The following KCNJ6 variants were observed in gnomAD, a reference collection of about 807,000 sequenced individuals.
KCNJ6 encodes the protein G protein-activated inward rectifier potassium channel 2.
A neutral mutation model predicts 34.2 loss-of-function variants in KCNJ6; 9 were observed. The ratio of observed to expected loss-of-function variants is 0.26; its 90% CI spans 0.16 to 0.46. KCNJ6 has a LOEUF of 0.46. Among genes scored for constraint, KCNJ6 ranks in the 20% least tolerant of loss-of-function variants. KCNJ6 has a pLI of 1.00. For missense variants in KCNJ6, 236 were observed against 531.3 expected, an observed-to-expected ratio of 0.44 and a Z score of 5.46; for synonymous variants, 196 against 207.1, an observed-to-expected ratio of 0.95 and a Z score of 0.46.
chr21:37,724,205 T>C (rs1181217748), intron 2 of KCNJ6, among the ~76,000 whole-genome samples: 1 of 152,080 alleles, frequency 6.6e-6, no homozygotes, highest in Non-Finnish European at 1.5e-5. Context: ...AGAGCAGTGG[T>C]ATGGAGTATA....
chr21:37,744,278 A>G (rs957792477), intron 2 of KCNJ6, among the ~76,000 whole-genome samples: 92 of 152,184 alleles, frequency 6.0e-4, no homozygotes, highest in African/African-American at 2.1e-3. Flanking sequence ...AAACCTGCAC[A>G]TTGTGCACAT....
At chr21:37,762,956 G>A (rs1204269341) in intron 2 of KCNJ6, among the ~76,000 whole-genome samples, 1 of 152,150 alleles carries the variant, frequency 6.6e-6, no homozygotes, top group African/African-American at 2.4e-5. Flanking sequence ...GATTCAGCCG[G>A]GGAAATCTTT....
chr21:37,906,997 T>C (rs2055844856), intron 1 of KCNJ6, among the ~76,000 whole-genome samples: 1 of 152,176 alleles, frequency 6.6e-6, no homozygotes, highest in African/African-American at 2.4e-5. Flanking sequence ...CTAGATTTCT[T>C]GAGAGGAGGA....
intron 2 of KCNJ6, among the ~76,000 whole-genome samples, chr21:37,742,241 C>T (rs759523422): frequency 1.2e-4 from 18 of 152,186 alleles, no homozygotes; most frequent in Non-Finnish European, 2.5e-4. Context: ...TATTGTTTAG[C>T]TTTCTGGAGT....
At chr21:37,799,741 T>G (rs2055260405) in intron 2 of KCNJ6, among the ~76,000 whole-genome samples, 1 of 152,234 alleles carries the variant, frequency 6.6e-6, no homozygotes, top group Admixed American at 6.5e-5. Flanking sequence ...ATATGACATT[T>G]AGAAGCCTCA....
At chr21:37,896,349 C>T (rs2055788007) in intron 1 of KCNJ6, among the ~76,000 whole-genome samples, 1 of 152,150 alleles carries the variant, frequency 6.6e-6, no homozygotes, top group African/African-American at 2.4e-5. Flanking sequence ...ACTGTATCAC[C>T]CATGCTAACT....
intron 2 of KCNJ6, among the ~76,000 whole-genome samples, chr21:37,736,453 T>C (rs1161696458): frequency 6.6e-6 from 1 of 152,204 alleles, no homozygotes; most frequent in African/African-American, 2.4e-5. Flanking sequence ...ACATCATCAA[T>C]GTACTAAATG....
intron 2 of KCNJ6, among the ~76,000 whole-genome samples, chr21:37,816,245 G>A (rs751270824): frequency 6.6e-6 from 1 of 152,206 alleles, no homozygotes; most frequent in African/African-American, 2.4e-5. Context: ...CAGGGACCAA[G>A]CATAGGTAAG....
Position 37,621,915 on chromosome 21 carries a change from AT to A in KCNJ6, c.*3243del, listed in dbSNP as rs1207997234. 6.6e-6 allele frequency: 1 copy of A among 152,204 alleles called. No individual in the cohort carries two copies. The highest frequency in any genetic ancestry group is 1.9e-4 in the East Asian group (1 of 5,194). 9.4% of individuals were successfully genotyped at this position (152,204 alleles called of 1,614,324 possible). On this transcript the variant is annotated 3_prime_UTR_variant, in exon 4 of 4. Coordinates refer to ENST00000609713, the MANE Select transcript of KCNJ6 (RefSeq NM_002240.5). ...CCAGGGGACAGCTAAAACAGAAATG[AT>A]TTTATTGGTTCCATAAAGTTGATTT... is the stretch of plus-strand genomic sequence containing the variant.
intron 1 of KCNJ6, among the ~76,000 whole-genome samples, chr21:37,881,823 TG>T (rs1260768319): frequency 6.6e-6 from 1 of 152,112 alleles, no homozygotes; most frequent in Non-Finnish European, 1.5e-5. Context: ...ATAAACCTTG[TG>T]GGGACATGAA....
At chr21:37,786,083 G>A (rs977920792) in intron 2 of KCNJ6, among the ~76,000 whole-genome samples, 4 of 152,220 alleles carry the variant, frequency 2.6e-5, no homozygotes, top group African/African-American at 9.6e-5. Context: ...GCCTGATGAG[G>A]CCTGATCTGG....
At chr21:37,663,483 A>G (rs1038069177) in intron 3 of KCNJ6, among the ~76,000 whole-genome samples, 1 of 152,092 alleles carries the variant, frequency 6.6e-6, no homozygotes, top group African/African-American at 2.4e-5. Context: ...AAATCCAGCT[A>G]CATACTGTTT....
chr21:37,769,006 G>T (rs1161405901), intron 2 of KCNJ6, among the ~76,000 whole-genome samples: 1 of 152,210 alleles, frequency 6.6e-6, no homozygotes, highest in Non-Finnish European at 1.5e-5. Context: ...GCCTGAGGAA[G>T]TCCAACCTAG....
At chr21:37,789,897 A>G (rs1179576002) in intron 2 of KCNJ6, among the ~76,000 whole-genome samples, 2 of 152,114 alleles carry the variant, frequency 1.3e-5, no homozygotes, top group Non-Finnish European at 2.9e-5. Flanking sequence ...GTTTGAGTGG[A>G]AGGTCAGTGG....
At chr21:37,740,134 G>A (rs1048574194) in intron 2 of KCNJ6, among the ~76,000 whole-genome samples, 4 of 152,196 alleles carry the variant, frequency 2.6e-5, no homozygotes, top group African/African-American at 9.7e-5. Context: ...AGTAGCTCTT[G>A]TAAACCAAAA....
At chr21:37,630,152 G>GTGTGTGTA (rs1050270468) in intron 3 of KCNJ6, among the ~76,000 whole-genome samples, 113 of 151,302 alleles carry the variant, frequency 7.5e-4, no homozygotes, top group Non-Finnish European at 1.5e-3. Context: ...GTGTGTGTGT[G>GTGTGTGTA]TGTGTGGTGT....
intron 2 of KCNJ6, among the ~76,000 whole-genome samples, chr21:37,791,960 A>C (rs978544714): frequency 1.1e-4 from 16 of 152,174 alleles, no homozygotes; most frequent in Non-Finnish European, 2.4e-4. Context: ...CTAGCGATAA[A>C]AATGTTGTTA....
At chr21:37,808,595 T>C (rs1444327552) in intron 2 of KCNJ6, among the ~76,000 whole-genome samples, 1 of 152,230 alleles carries the variant, frequency 6.6e-6, no homozygotes, top group Non-Finnish European at 1.5e-5. Flanking sequence ...TTTAATAATG[T>C]TCTGCTTTAG....
intron 1 of KCNJ6, among the ~76,000 whole-genome samples, chr21:37,903,415 G>T (rs1026858940): frequency 2.0e-5 from 3 of 152,162 alleles, no homozygotes; most frequent in Non-Finnish European, 4.4e-5. Flanking sequence ...GCAACTGTGA[G>T]TCCACTAAAC....
Sources: gnomAD v4.1 joint callset for allele counts (sites outside exome capture counted in the v4.1 genomes callset) on GRCh38, gnomAD v4.1.1 for gene constraint, MANE v1.5 for transcripts, NCBI Gene and HGNC (gene_info 2026-07-23, HGNC 2026-07-21) for gene names.